The following GGNBP2 variants were observed in gnomAD, a reference collection of about 807,000 sequenced individuals.
The protein encoded by GGNBP2 is gametogenetin binding protein 2, also known as gametogenetin-binding protein 2.
Under a neutral mutation model 85.9 loss-of-function variants are expected in GGNBP2, and 10 were observed. The ratio of observed to expected loss-of-function variants is 0.12; its 90% CI spans 0.07 to 0.20. The LOEUF (loss-of-function observed/expected upper bound fraction) is 0.20. Among genes scored for constraint, GGNBP2 ranks in the 10% least tolerant of loss-of-function variants. GGNBP2 has a pLI of 1.00. For missense variants in GGNBP2, 595 were observed against 857.8 expected, an observed-to-expected ratio of 0.69 and a Z score of 3.83; for synonymous variants, 287 against 285.7, an observed-to-expected ratio of 1.00 and a Z score of -0.05.
chr17:36,575,143 C>A, intron 6 of GGNBP2: 1 of 697,262 alleles, frequency 1.4e-6, no homozygotes, highest in East Asian at 2.6e-5. Context: ...CCAGGCGGCC[C>A]AGCTTGGTGA....
At chr17:36,560,288 T>C (rs1199937792) in intron 4 of GGNBP2, among the ~76,000 whole-genome samples, 1 of 152,210 alleles carries the variant, frequency 6.6e-6, no homozygotes, top group Non-Finnish European at 1.5e-5. Context: ...AAGGTAGAAT[T>C]GGCAAACTTT....
intron 6 of GGNBP2, among the ~76,000 whole-genome samples, chr17:36,575,646 A>ATTTTTTTT (rs1360835058): frequency 3.7e-5 from 2 of 54,598 alleles, no homozygotes; most frequent in Non-Finnish European, 3.3e-5. Context: ...ATATATATAT[A>ATTTTTTTT]TATTTTTTTT....
At chr17:36,584,724 G>C (rs1379538378) in intron 9 of GGNBP2, among the ~76,000 whole-genome samples, 12 of 152,196 alleles carry the variant, frequency 7.9e-5, no homozygotes, top group African/African-American at 2.9e-4. Flanking sequence ...CATGGCAGAA[G>C]GATTGCTTAA....
intron 9 of GGNBP2, among the ~76,000 whole-genome samples, chr17:36,582,876 A>G (rs1386917901): frequency 6.6e-6 from 1 of 152,190 alleles, no homozygotes; most frequent in Non-Finnish European, 1.5e-5. Flanking sequence ...TATACTTACC[A>G]ATATTTACTG....
chr17:36,561,417 C>T (rs751707758), intron 5 of GGNBP2, among the ~76,000 whole-genome samples: 18 of 152,088 alleles, frequency 1.2e-4, no homozygotes, highest in African/African-American at 3.6e-4. Flanking sequence ...GCACCACACT[C>T]GGCCGGTTGA....
At chr17:36,556,243 C>G (rs1185886877) in intron 3 of GGNBP2, among the ~76,000 whole-genome samples, 1 of 152,184 alleles carries the variant, frequency 6.6e-6, no homozygotes, top group Non-Finnish European at 1.5e-5. Context: ...CTAGTTACTT[C>G]CCTACATAAG....
chr17:36,568,295 A>ATT (rs141765892), intron 6 of GGNBP2, among the ~76,000 whole-genome samples: 1 of 141,530 alleles, frequency 7.1e-6, no homozygotes. Flanking sequence ...CTATTTTGTG[A>ATT]TTTTTTTTTT....
intron 12 of GGNBP2, 112 bp from the exon 13 acceptor site, chr17:36,586,885 T>G: frequency 8.4e-6 from 9 of 1,073,132 alleles, no homozygotes; most frequent in Non-Finnish European, 1.0e-5. Context: ...TCCCAAAATG[T>G]TGAGATTGTA....
intron 5 of GGNBP2, among the ~76,000 whole-genome samples, chr17:36,563,981 TG>T (rs540567907): frequency 3.1e-4 from 47 of 152,332 alleles, no homozygotes; most frequent in Non-Finnish European, 5.4e-4. Context: ...TGACCTCAGG[TG>T]ATCAACCCGC....
At chr17:36,564,766 AC>A (rs1231218455) in intron 5 of GGNBP2, among the ~76,000 whole-genome samples, 1 of 143,152 alleles carries the variant, frequency 7.0e-6, no homozygotes, top group Non-Finnish European at 1.5e-5. Flanking sequence ...CTACATCCCC[AC>A]CCCCCATAGC....
chr17:36,572,683 G>A (rs1487938548), intron 6 of GGNBP2, among the ~76,000 whole-genome samples: 1 of 152,134 alleles, frequency 6.6e-6, no homozygotes, highest in Non-Finnish European at 1.5e-5. Flanking sequence ...AACAGAGTGA[G>A]ACCCTGTCTC....
chr17:36,574,731 T>C (rs967881014), intron 6 of GGNBP2: 1 of 630,542 alleles, frequency 1.6e-6, no homozygotes, highest in African/African-American at 1.8e-5. Context: ...ACTGAGACGA[T>C]GCCAGTGCCT....
intron 3 of GGNBP2, among the ~76,000 whole-genome samples, chr17:36,556,065 A>G (rs944844623): frequency 6.6e-6 from 1 of 152,218 alleles, no homozygotes; most frequent in Non-Finnish European, 1.5e-5. Context: ...GAATTGTCCT[A>G]CTTTCCTATC....
At chr17:36,574,091 T>C (rs961660263) in intron 6 of GGNBP2, among the ~76,000 whole-genome samples, 24 of 152,184 alleles carry the variant, frequency 1.6e-4, no homozygotes, top group African/African-American at 5.8e-4. Context: ...TGATCATCTT[T>C]GCTGTGCCAA....
At chr17:36,558,970 G>A (rs1322186575) in intron 4 of GGNBP2, among the ~76,000 whole-genome samples, 3 of 151,976 alleles carry the variant, frequency 2.0e-5, no homozygotes, top group African/African-American at 4.8e-5. Context: ...TTGTGAGGGA[G>A]GCCATCAAAG....
intron 4 of GGNBP2, 71 bp from the exon 5 acceptor site, chr17:36,560,702 A>G (rs1041520775): frequency 2.3e-6 from 2 of 869,988 alleles, no homozygotes; most frequent in Non-Finnish European, 3.5e-6. Context: ...TCTCTAAAAG[A>G]CAGTAAATAG....
In GGNBP2 at chr17:36,560,821, T is replaced by A. The variant is rs1567821760; in HGVS notation, c.477T>A (p.Asn159Lys). The change falls in exon 5 of 14, where the codon AAT (asparagine) becomes AAA (lysine). Residue 159 changes from asparagine to lysine, a missense_variant. This residue lies in a region of GGNBP2 where 216 missense variants were observed against 293.4 expected (regional missense o/e 0.74). Transcript: ENST00000613102. Reference sequence around the variant, plus strand: ...ATGCTATTCCAAAAAGTAAGAAGAATAAGAGATGTCAGTTGCACTCCTTAG... The same window carrying A: ...ATGCTATTCCAAAAAGTAAGAAGAAAAAGAGATGTCAGTTGCACTCCTTAG... ...MIDAIPKSKKNKRCQLHSLDT... is the reference protein window; with the variant it reads ...MIDAIPKSKKKKRCQLHSLDT... The A allele has an allele frequency of 6.2e-7, 1 of 1,604,762 alleles. No homozygotes were observed. Among genetic ancestry groups the A allele is most frequent in the Non-Finnish European group, 8.5e-7 (1 of 1,176,010 alleles).
At chr17:36,587,582 G>A in intron 13 of GGNBP2, 1 of 229,208 alleles carries the variant, frequency 4.4e-6, no homozygotes, top group Non-Finnish European at 8.8e-6. Context: ...CCTTTGTAAA[G>A]TTAAAAAAAA....
chr17:36,575,287 C>G (rs1425169210), intron 6 of GGNBP2: 2 of 524,660 alleles, frequency 3.8e-6, no homozygotes, highest in Non-Finnish European at 7.0e-6. Context: ...CCATCCCAGG[C>G]GATCCCCACC....
Sources: gnomAD v4.1 joint callset for allele counts (sites outside exome capture counted in the v4.1 genomes callset) on GRCh38, gnomAD v4.1.1 for gene constraint, gnomAD v4.1.1 regional missense constraint, MANE v1.5 for transcripts, NCBI Gene and HGNC (gene_info 2026-07-23, HGNC 2026-07-21) for gene names.